The following TLL1 variants were observed in gnomAD, a reference collection of about 807,000 sequenced individuals.
The protein encoded by TLL1 is tolloid like 1.
A neutral mutation model predicts 128.2 loss-of-function variants in TLL1; 49 were observed. The observed-to-expected ratio is 0.38, with a 90% confidence interval of 0.30 to 0.48. The LOEUF (loss-of-function observed/expected upper bound fraction) is 0.48, where lower values mean the gene tolerates loss of function less well. Ranked by LOEUF, TLL1 falls within the 20% of genes least tolerant of loss-of-function variation. TLL1 has a pLI of 0.96. For synonymous variants in TLL1, 454 were observed against 418.8 expected, an observed-to-expected ratio of 1.08 and a Z score of -1.03; for missense variants, 1,123 against 1,242.0, an observed-to-expected ratio of 0.90 and a Z score of 1.44.
At chr4:166,047,111 A>G (rs1002839152) in intron 12 of TLL1, among the ~76,000 whole-genome samples, 1 of 152,100 alleles carries the variant, frequency 6.6e-6, no homozygotes, top group Non-Finnish European at 1.5e-5. Context: ...TACAGTTTTT[A>G]TTCACTGATT....
chr4:166,071,576 A>G (rs556285998), intron 16 of TLL1, among the ~76,000 whole-genome samples: 9 of 151,998 alleles, frequency 5.9e-5, no homozygotes, highest in South Asian at 2.1e-4. Flanking sequence ...AGAAATTTCA[A>G]TTATTAAATG....
chr4:165,972,488 A>T (rs928679844), intron 1 of TLL1, among the ~76,000 whole-genome samples: 1 of 151,928 alleles, frequency 6.6e-6, no homozygotes, highest in African/African-American at 2.4e-5. Flanking sequence ...TCTCAGTAAG[A>T]TATTTTTGGA....
intron 8 of TLL1, among the ~76,000 whole-genome samples, chr4:166,020,411 A>G (rs2111061090): frequency 6.6e-6 from 1 of 152,332 alleles, no homozygotes; most frequent in Admixed American, 6.5e-5. Context: ...ACAACACTTC[A>G]TCTTCCCATT....
intron 1 of TLL1, among the ~76,000 whole-genome samples, chr4:165,985,442 C>G (rs1444130874): frequency 6.6e-6 from 1 of 152,038 alleles, no homozygotes; most frequent in Non-Finnish European, 1.5e-5. Flanking sequence ...TCACCCTTGG[C>G]AAAAGTAGTG....
intron 1 of TLL1, among the ~76,000 whole-genome samples, chr4:165,926,569 A>G (rs1481765291): frequency 6.6e-6 from 1 of 152,174 alleles, no homozygotes; most frequent in Non-Finnish European, 1.5e-5. Context: ...CCTCTGTCTT[A>G]AGTACATTTT....
chr4:166,062,519 T>C (rs1456610725), intron 15 of TLL1, among the ~76,000 whole-genome samples: 1 of 152,198 alleles, frequency 6.6e-6, no homozygotes. Flanking sequence ...GCTCTCTGTT[T>C]GTCTGTTATT....
chr4:165,880,880 G>A (rs893410952), intron 1 of TLL1, among the ~76,000 whole-genome samples: 9 of 152,134 alleles, frequency 5.9e-5, no homozygotes, highest in African/African-American at 2.2e-4. Flanking sequence ...CTCCTGGCCG[G>A]GTTGCTGCTG....
At chr4:165,963,352 A>T (rs1469448832) in intron 1 of TLL1, among the ~76,000 whole-genome samples, 1 of 152,012 alleles carries the variant, frequency 6.6e-6, no homozygotes, top group Non-Finnish European at 1.5e-5. Context: ...AAAGAAAAGA[A>T]CTGTTGAGTT....
chr4:165,965,057 T>C (rs1477744359), intron 1 of TLL1, among the ~76,000 whole-genome samples: 1 of 152,142 alleles, frequency 6.6e-6, no homozygotes, highest in East Asian at 1.9e-4. Context: ...TATATGAAAT[T>C]ATGTTGATTG....
At chr4:166,087,156 A>G (rs1741559142) in intron 18 of TLL1, among the ~76,000 whole-genome samples, 1 of 152,170 alleles carries the variant, frequency 6.6e-6, no homozygotes. Flanking sequence ...AAACAAACAA[A>G]GTTCTAGGCA....
At chr4:165,939,525 C>G (rs1733908887) in intron 1 of TLL1, among the ~76,000 whole-genome samples, 1 of 151,936 alleles carries the variant, frequency 6.6e-6, no homozygotes. Context: ...AACAGATTTT[C>G]AAATGACCCA....
chr4:166,025,344 T>C lies in TLL1; in HGVS notation c.1071T>C (p.Asn357=). The C allele has an allele frequency of 6.2e-7, 1 of 1,613,898 alleles. No individual in the cohort carries two copies. Among genetic ancestry groups the C allele is most frequent in the Non-Finnish European group, 8.5e-7 (1 of 1,179,834 alleles). ...PACGETLQES[N]GNLSSPGFPN... is the part of the protein sequence containing the mutation. ...GTGGAGAAACTCTACAAGAATCCAATGGCAACCTTTCCTCTCCAGGATTTC... is the reference window on the plus strand; with the variant it reads ...GTGGAGAAACTCTACAAGAATCCAACGGCAACCTTTCCTCTCCAGGATTTC... Residue 357 remains asparagine (N), a synonymous_variant, in exon 9 of 21, where the codon AAT becomes AAC. Coordinates refer to ENST00000061240, the MANE Select transcript of TLL1 (RefSeq NM_012464.5).
At chr4:165,886,278 C>A (rs1731160174) in intron 1 of TLL1, among the ~76,000 whole-genome samples, 2 of 152,074 alleles carry the variant, frequency 1.3e-5, no homozygotes. Flanking sequence ...CTTAAGTTCA[C>A]ACATTTGTAA....
Position 166,075,007 on chromosome 4 carries a change from T to C in TLL1, c.2314+4T>C, listed in dbSNP as rs1438898827. 6.2e-7 allele frequency: 1 copy of C among 1,613,210 alleles called. No homozygotes were observed. The highest frequency in any genetic ancestry group is 8.5e-7 in the Non-Finnish European group (1 of 1,179,370). On this transcript the variant is annotated splice_donor_region_variant and intron_variant, in intron 17 of 20. Coordinates refer to ENST00000061240, the MANE Select transcript of TLL1 (RefSeq NM_012464.5). Reference sequence around the variant, plus strand: ...AATAAACATGATTGCAAGGAAGGTATGGAACGGAATACACTTTTTTTGACA... The same window carrying C: ...AATAAACATGATTGCAAGGAAGGTACGGAACGGAATACACTTTTTTTGACA...
At chr4:165,977,726 T>C (rs1735954032) in intron 1 of TLL1, among the ~76,000 whole-genome samples, 1 of 152,184 alleles carries the variant, frequency 6.6e-6, no homozygotes, top group Non-Finnish European at 1.5e-5. Flanking sequence ...AGAAAATTAA[T>C]ATCTAGCAAT....
chr4:165,965,902 C>T (rs1240264227), intron 1 of TLL1, among the ~76,000 whole-genome samples: 3 of 152,038 alleles, frequency 2.0e-5, no homozygotes, highest in East Asian at 1.9e-4. Context: ...AGGACTAGAC[C>T]GGGTGCAGTG....
intron 1 of TLL1, among the ~76,000 whole-genome samples, chr4:165,883,067 A>T (rs890291386): frequency 6.6e-6 from 1 of 152,166 alleles, no homozygotes; most frequent in Non-Finnish European, 1.5e-5. Flanking sequence ...GGATGAAAAT[A>T]GTTGTAGTAA....
At chr4:165,952,690 G>A (rs934759009) in intron 1 of TLL1, among the ~76,000 whole-genome samples, 3 of 152,024 alleles carry the variant, frequency 2.0e-5, no homozygotes, top group East Asian at 3.9e-4. Flanking sequence ...TGATTCTAAT[G>A]TATTAGTAGT....
intron 18 of TLL1, among the ~76,000 whole-genome samples, chr4:166,090,784 T>C (rs1361325530): frequency 6.6e-6 from 1 of 152,106 alleles, no homozygotes. Context: ...AATCTTTTAA[T>C]ATGATTGTTT....
Sources: gnomAD v4.1 joint callset for allele counts (sites outside exome capture counted in the v4.1 genomes callset) on GRCh38, gnomAD v4.1.1 for gene constraint, MANE v1.5 for transcripts, NCBI Gene and HGNC (gene_info 2026-07-23, HGNC 2026-07-21) for gene names.